FBXO36: variants seen among roughly 807,000 people sequenced by gnomAD.
The protein encoded by FBXO36 is F-box protein 36.
In FBXO36, 18 loss-of-function variants were observed where a neutral mutation model predicts 17.0. The ratio of observed to expected loss-of-function variants is 1.06; its 90% CI spans 0.73 to 1.57. The LOEUF (loss-of-function observed/expected upper bound fraction) is 1.57. Ranked by LOEUF, FBXO36 falls within the 40% of genes most tolerant of loss-of-function variation. FBXO36 has a pLI of 0.00. For synonymous variants in FBXO36, 83 were observed against 85.3 expected (o/e 0.97, Z 0.15); for missense variants, 229 against 221.9 (o/e 1.03, Z -0.20).
chr2:229,954,846 G>A (rs1161679660), intron 1 of FBXO36, among the ~76,000 whole-genome samples: 2 of 148,752 alleles, frequency 1.3e-5, no homozygotes, highest in South Asian at 2.1e-4. Context: ...CATGCCTGGC[G>A]TTTTTTGTTT....
At chr2:229,985,525 C>T (rs2077263961) in intron 2 of FBXO36, among the ~76,000 whole-genome samples, 1 of 152,134 alleles carries the variant, frequency 6.6e-6, no homozygotes, top group South Asian at 2.1e-4. Flanking sequence ...ATCAGCTGCC[C>T]TTTGTCTTCA....
At chr2:229,981,476 T>G (rs1049516047) in intron 2 of FBXO36, among the ~76,000 whole-genome samples, 7 of 151,978 alleles carry the variant, frequency 4.6e-5, no homozygotes, top group Non-Finnish European at 8.8e-5. Flanking sequence ...CTGCCAGGCT[T>G]AAGCGGATCA....
chr2:230,004,288 G>A (rs2077375099), intron 3 of FBXO36, among the ~76,000 whole-genome samples: 1 of 152,144 alleles, frequency 6.6e-6, no homozygotes, highest in Non-Finnish European at 1.5e-5. Flanking sequence ...CAAGGATTGT[G>A]TCACCTAACT....
rs57331069 is a variant in FBXO36, at chr2:229,938,755, CTT to C, written c.96+16161_96+16162del. Among the ~76,000 whole-genome samples, 181 of 111,280 alleles carry C rather than the reference CTT, an allele frequency of 1.6e-3. 1 individual carries two copies. The highest frequency in any genetic ancestry group is 6.9e-3 in the Middle Eastern group (1 of 144). The allele number at this position is 111,280 out of a possible 152,430, so 73.0% of individuals were successfully genotyped here. On this transcript the variant is annotated intron_variant, in intron 1 of 3. Transcript: ENST00000283946. ...ATTAGTTTTCTTACCCCCAAAAAAC[CTT>C]TTTTTTTTTTTTTTCCCCCGAGGCA...
At chr2:229,984,422 G>A (rs1488881702) in intron 2 of FBXO36, among the ~76,000 whole-genome samples, 1 of 146,388 alleles carries the variant, frequency 6.8e-6, no homozygotes, top group East Asian at 2.1e-4. Context: ...TCGGAGTCTC[G>A]CTCTGTCGCC....
intron 2 of FBXO36, among the ~76,000 whole-genome samples, chr2:229,984,734 A>G (rs146048421): frequency 2.6e-5 from 4 of 152,008 alleles, no homozygotes; most frequent in African/African-American, 9.6e-5. Context: ...TATTATGATT[A>G]TTTTTCTGTT....
chr2:229,951,872 C>T lies in FBXO36; in HGVS notation c.97-24369C>T, dbSNP rs374799129. On this transcript the variant is annotated intron_variant, in intron 1 of 3. Coordinates refer to ENST00000283946, the MANE Select transcript of FBXO36 (RefSeq NM_174899.5). ...GTGATTTTGCTCAATTCCAATTTAG[C>T]TTAAACACAAAGGACCCTGGAATGC... Among the ~76,000 whole-genome samples, 4 of 152,292 alleles carry T rather than the reference C, an allele frequency of 2.6e-5. No homozygotes were observed. The South Asian group carries it at 6.2e-4, about 24-fold the overall frequency.
chr2:229,976,185 G>C, intron 1 of FBXO36, 56 bp from the exon 2 acceptor site: 1 of 1,356,456 alleles, frequency 7.4e-7, no homozygotes, highest in Non-Finnish European at 1.0e-6. Context: ...CAAACTTAAT[G>C]TAACTGTTAG....
At chr2:229,982,167 G>T (rs1259820140) in intron 2 of FBXO36, among the ~76,000 whole-genome samples, 3 of 152,026 alleles carry the variant, frequency 2.0e-5, no homozygotes, top group African/African-American at 4.8e-5. Context: ...GGGACTACAG[G>T]CATGTGCCAC....
chr2:229,998,299 C>G (rs1467929993), intron 3 of FBXO36, among the ~76,000 whole-genome samples: 1 of 152,086 alleles, frequency 6.6e-6, no homozygotes, highest in Non-Finnish European at 1.5e-5. Context: ...TAGGGAGATT[C>G]CATCTCCACA....
At chr2:229,945,912 C>T (rs927369636) in intron 1 of FBXO36, among the ~76,000 whole-genome samples, 1 of 151,598 alleles carries the variant, frequency 6.6e-6, no homozygotes, top group Non-Finnish European at 1.5e-5. Context: ...ATCCCAGCTA[C>T]TTTGGAGGCT....
intron 1 of FBXO36, among the ~76,000 whole-genome samples, chr2:229,966,064 C>T (rs779687539): frequency 9.2e-5 from 14 of 152,114 alleles, no homozygotes; most frequent in Admixed American, 4.6e-4. Flanking sequence ...TTTTAATGAT[C>T]GCCATTCTAA....
intron 1 of FBXO36, among the ~76,000 whole-genome samples, chr2:229,974,651 C>T (rs562335391): frequency 7.6e-4 from 115 of 152,212 alleles, no homozygotes; most frequent in Admixed American, 1.0e-3. Context: ...CCATTTTTTC[C>T]GGAATCCCCC....
At position 229,930,906 on chromosome 2, in the gene FBXO36, G is replaced by A. The variant is rs552034504; in HGVS notation, c.96+8297G>A. On this transcript the variant is annotated intron_variant, in intron 1 of 3. Transcript: ENST00000283946. ...TGCTCCTCCTGATGGCAGCAAGTGC[G>A]CAAACATTCCCTTCCCTGCCCTACA... is the stretch of plus-strand genomic sequence containing the variant. Among the ~76,000 whole-genome samples, 40 of 152,154 alleles carry A rather than the reference G, an allele frequency of 2.6e-4. No homozygotes were observed. In the South Asian group the frequency reaches 6.9e-3, roughly 26 times the overall value.
intron 1 of FBXO36, among the ~76,000 whole-genome samples, chr2:229,944,126 C>A (rs192689727): frequency 2.6e-5 from 4 of 152,270 alleles, no homozygotes; most frequent in Admixed American, 2.6e-4. Context: ...AACTGTGAAT[C>A]AGTTAAAGCC....
intron 1 of FBXO36, among the ~76,000 whole-genome samples, chr2:229,940,925 C>T (rs2106162541): frequency 6.6e-6 from 1 of 152,272 alleles, no homozygotes; most frequent in Non-Finnish European, 1.5e-5. Flanking sequence ...GGCCCACCTA[C>T]TTGATTCGCC....
At chr2:230,008,457 C>T (rs1157705571) in intron 3 of FBXO36, among the ~76,000 whole-genome samples, 2 of 152,044 alleles carry the variant, frequency 1.3e-5, no homozygotes, top group Admixed American at 6.6e-5. Flanking sequence ...AGCAAAAGAT[C>T]GTCAGGGTTT....
At chr2:229,963,292 C>T (rs2106184032) in intron 1 of FBXO36, among the ~76,000 whole-genome samples, 1 of 151,746 alleles carries the variant, frequency 6.6e-6, no homozygotes, top group Middle Eastern at 3.4e-3. Flanking sequence ...TTTAGATTTC[C>T]TGACCTCGTG....
At chr2:229,979,772 C>T (rs1273267285) in intron 2 of FBXO36, among the ~76,000 whole-genome samples, 2 of 151,052 alleles carry the variant, frequency 1.3e-5, no homozygotes, top group Non-Finnish European at 2.9e-5. Flanking sequence ...TATCTGTATG[C>T]AATATCATTA....
Sources: allele counts gnomAD v4.1 joint callset (sites outside exome capture counted in the v4.1 genomes callset), GRCh38; gene constraint gnomAD v4.1.1; transcripts MANE v1.5; gene names NCBI Gene and HGNC (gene_info 2026-07-23, HGNC 2026-07-21).